ZNF26: variants seen among roughly 807,000 people sequenced by gnomAD.
ZNF26 encodes epididymis luminal protein 179.
In ZNF26, 32 loss-of-function variants were observed where a neutral mutation model predicts 54.9. The ratio of observed to expected loss-of-function variants is 0.58; its 90% CI spans 0.44 to 0.78. The LOEUF (loss-of-function observed/expected upper bound fraction) is 0.78. ZNF26 is among the 30% of genes least tolerant of loss of function. The pLI is 0.00. For synonymous variants in ZNF26, 221 were observed against 209.2 expected, an observed-to-expected ratio of 1.06 and a Z score of -0.49; for missense variants, 524 against 634.0, an observed-to-expected ratio of 0.83 and a Z score of 1.86.
chr12:133,004,209 T>C (rs1489335793), intron 1 of ZNF26, among the ~76,000 whole-genome samples: 2 of 152,220 alleles, frequency 1.3e-5, no homozygotes, highest in African/African-American at 4.8e-5. Flanking sequence ...TGCTTGATTG[T>C]CTTTAAGTTG....
At chr12:132,989,069 C>T (rs377411226) in intron 1 of ZNF26, among the ~76,000 whole-genome samples, 232 of 113,356 alleles carry the variant, frequency 2.0e-3, no homozygotes, top group African/African-American at 7.3e-3. Flanking sequence ...GACAGAGTCT[C>T]GCTGTTGGCC....
At chr12:132,991,983 A>G (rs1410317467) in intron 1 of ZNF26, among the ~76,000 whole-genome samples, 2 of 151,956 alleles carry the variant, frequency 1.3e-5, no homozygotes, top group African/African-American at 2.4e-5. Context: ...CCCTGTCTCT[A>G]CTACAAATAC....
At chr12:133,007,265 T>G (rs1953351924) in intron 2 of ZNF26, 97 bp downstream of exon 2, 1 of 1,481,660 alleles carries the variant, frequency 6.7e-7, no homozygotes. Flanking sequence ...AAGTGCTTAA[T>G]GATTATGAAC....
intron 2 of ZNF26, 43 bp from the exon 3 acceptor site, chr12:133,007,394 C>A: frequency 6.5e-7 from 1 of 1,538,982 alleles, no homozygotes; most frequent in South Asian, 1.2e-5. Flanking sequence ...CGGTCCTGTC[C>A]CTAACAGCCT....
At position 133,010,397 on chromosome 12, in the gene ZNF26, A is replaced by G; in HGVS notation, c.518A>G (p.Asn173Ser). 6.2e-7 allele frequency: 1 copy of G among 1,614,196 alleles called. No individual in the cohort carries two copies. Residue 173 changes from asparagine (N) to serine (S), a missense_variant, in exon 4 of 4, where the codon AAC (asparagine) becomes AGC (serine). Asn to Ser is a conservative substitution (Grantham distance 46, BLOSUM62 1). Coordinates refer to ENST00000328654, the MANE Select transcript of ZNF26 (RefSeq NM_019591.4). ...KHQRAHSIEKNCVCSECGKAF... is the reference protein window; with the variant it reads ...KHQRAHSIEKSCVCSECGKAF... ...CAAAGAGCTCATAGCATAGAAAAAA[A>G]CTGTGTGTGTAGTGAATGTGGGAAA...
intron 1 of ZNF26, among the ~76,000 whole-genome samples, chr12:132,992,037 A>G (rs1952975235): frequency 6.6e-6 from 1 of 151,820 alleles, no homozygotes; most frequent in Non-Finnish European, 1.5e-5. Context: ...AGGCCTGGCT[A>G]CTTGGGAGGC....
In ZNF26 at chr12:133,012,578, G is replaced by GTTTTTTTTTTTTTTTTTTTTTTTTT. The variant is rs1193864973; in HGVS notation, c.*1104_*1128dup. ...ATGTCTTTTGCTTTTTGTTGTTTGG[G>GTTTTTTTTTTTTTTTTTTTTTTTTT]TTTTTTTTTTTTTTTTTTTTTTTTT... On this transcript the variant is annotated 3_prime_UTR_variant, in exon 4 of 4. Transcript: ENST00000328654. The GTTTTTTTTTTTTTTTTTTTTTTTTT allele has an allele frequency of 1.3e-4, 5 of 37,668 alleles. 1 individual carries two copies. Among genetic ancestry groups the GTTTTTTTTTTTTTTTTTTTTTTTTT allele is most frequent in the African/African-American group, 2.1e-4 (2 of 9,486 alleles). The allele number at this position is 37,668 out of a possible 1,614,324, so 2.3% of individuals were successfully genotyped here.
At chr12:132,993,570 C>T (rs1347782668) in intron 1 of ZNF26, among the ~76,000 whole-genome samples, 1 of 151,800 alleles carries the variant, frequency 6.6e-6, no homozygotes, top group Admixed American at 6.6e-5. Flanking sequence ...ATTCTTCTGC[C>T]TCAGCCTCCC....
chr12:132,998,378 G>T (rs1953137987), intron 1 of ZNF26, among the ~76,000 whole-genome samples: 1 of 152,064 alleles, frequency 6.6e-6, no homozygotes, highest in African/African-American at 2.4e-5. Context: ...TGTTGGTCAG[G>T]CTGGTCTCAA....
At position 133,013,575 on chromosome 12, in the gene ZNF26, GA is replaced by G. The variant is rs1953524647; in HGVS notation, c.*2096del. The G allele has an allele frequency of 6.3e-6, 1 of 157,740 alleles. No homozygotes were observed. Among genetic ancestry groups the G allele is most frequent in the Non-Finnish European group, 1.4e-5 (1 of 70,510 alleles). The allele number at this position is 157,740 out of a possible 1,614,324, so 9.8% of individuals were successfully genotyped here. A position where few individuals can be genotyped will look rare whatever the true frequency, so the allele number is the denominator to read the frequency against. On this transcript the variant is annotated 3_prime_UTR_variant, in exon 4 of 4. Coordinates refer to ENST00000328654, the MANE Select transcript of ZNF26 (RefSeq NM_019591.4). ...CTAGCAAACTCTTCTGATAGACTTT[GA>G]ATAGGAATGTCTGGGAAGAACCTGA...
rs1158805043 is a variant in ZNF26, at chr12:133,020,441, ATATT to A, written c.*8964_*8967del. 3 of 151,848 alleles carry A rather than the reference ATATT, an allele frequency of 2.0e-5. No homozygotes were observed. Among genetic ancestry groups the A allele is most frequent in the Non-Finnish European group, 2.9e-5 (2 of 67,984 alleles). 9.4% of individuals were successfully genotyped at this position (151,848 alleles called of 1,614,324 possible). ...ACACTTAAAAATGGTAATGATGATA[ATATT>A]TATAATATATTTACATTTTGTTTAT... On this transcript the variant is annotated 3_prime_UTR_variant, in exon 4 of 4. Coordinates refer to ENST00000328654, the MANE Select transcript of ZNF26 (RefSeq NM_019591.4).
At chr12:133,005,379 T>C (rs1279802009) in intron 1 of ZNF26, 1 of 152,160 alleles carries the variant, frequency 6.6e-6, no homozygotes, top group African/African-American at 2.4e-5. Context: ...ATTTTTGTAT[T>C]TTTAGTAGAG....
At position 133,010,932 on chromosome 12, in the gene ZNF26, C is replaced by T; in HGVS notation, c.1053C>T (p.Phe351=). ...AATGCAGTGATTGTGGGAAAGCCTT[C>T]AATATGAAGACACAACTCATTGTAC... The part of the protein sequence containing the change: ...PYQCSDCGKA[F]NMKTQLIVHQ... The change falls in exon 4 of 4, where the codon TTC becomes TTT. Residue 351 remains phenylalanine, a synonymous_variant. Transcript: ENST00000328654. 1.9e-6 allele frequency: 3 copies of T among 1,613,944 alleles called. No individual in the cohort carries two copies. Among genetic ancestry groups the T allele is most frequent in the Non-Finnish European group, 2.5e-6 (3 of 1,179,986 alleles).
chr12:132,986,740 C>A lies in ZNF26; in HGVS notation c.-101C>A. The A allele has an allele frequency of 7.5e-7, 1 of 1,337,668 alleles. No individual in the cohort carries two copies. Among genetic ancestry groups the A allele is most frequent in the South Asian group, 1.3e-5 (1 of 76,878 alleles). The allele number at this position is 1,337,668 out of a possible 1,614,324, so 82.9% of individuals were successfully genotyped here. A position where few individuals can be genotyped will look rare whatever the true frequency, so the allele number is the denominator to read the frequency against. On this transcript the variant is annotated 5_prime_UTR_variant, in exon 1 of 4. Transcript: ENST00000328654. ...CCCCGGGACGGTCAGGAGCCTGGGG[C>A]CCTGGTCCCGCACCTGTCTTCGGGC...
intron 1 of ZNF26, among the ~76,000 whole-genome samples, chr12:133,000,670 C>A (rs1953196019): frequency 6.6e-6 from 1 of 152,146 alleles, no homozygotes; most frequent in South Asian, 2.1e-4. Flanking sequence ...GTGATCCGCC[C>A]ACCTTGGCCT....
chr12:132,992,338 C>T (rs1373861278), intron 1 of ZNF26, among the ~76,000 whole-genome samples: 1 of 151,894 alleles, frequency 6.6e-6, no homozygotes, highest in Admixed American at 6.6e-5. Context: ...AACACCTTAA[C>T]TGTTTCACTC....
At chr12:133,008,877 C>T in intron 3 of ZNF26, among the ~76,000 whole-genome samples, 1 of 152,058 alleles carries the variant, frequency 6.6e-6, no homozygotes, top group South Asian at 2.1e-4. Context: ...AGCATGGCAG[C>T]CTTTGCTTCT....
At position 133,017,157 on chromosome 12, in the gene ZNF26, T is replaced by C. The variant is rs1953577082; in HGVS notation, c.*5676T>C. The C allele has an allele frequency of 6.6e-6, 1 of 152,186 alleles. No homozygotes were observed. Among genetic ancestry groups the C allele is most frequent in the South Asian group, 2.1e-4 (1 of 4,832 alleles). 9.4% of individuals were successfully genotyped at this position (152,186 alleles called of 1,614,324 possible). ...GATGTAATTTGATGGTACAAAAATA[T>C]GGAAATAAGCCCCAGAAAATAACAG... On this transcript the variant is annotated 3_prime_UTR_variant, in exon 4 of 4. Coordinates refer to ENST00000328654, the MANE Select transcript of ZNF26 (RefSeq NM_019591.4).
chr12:133,006,953 G>A (rs1327936799), intron 1 of ZNF26, 89 bp from the exon 2 acceptor site: 4 of 1,451,342 alleles, frequency 2.8e-6, no homozygotes, highest in Non-Finnish European at 3.8e-6. Context: ...GTTGGTAGAG[G>A]AACATTTATC....
Sources: allele counts gnomAD v4.1 joint callset (sites outside exome capture counted in the v4.1 genomes callset), GRCh38; gene constraint gnomAD v4.1.1; transcripts MANE v1.5; gene names NCBI Gene and HGNC (gene_info 2026-07-23, HGNC 2026-07-21).